The following DIS3L2 variants were observed in gnomAD, a reference collection of about 807,000 sequenced individuals.
DIS3L2 encodes the protein DIS3-like exonuclease 2.
A neutral mutation model predicts 97.5 loss-of-function variants in DIS3L2; 34 were observed. That is an observed-to-expected ratio of 0.35 (90% CI 0.27 to 0.46). DIS3L2 has a LOEUF of 0.46. DIS3L2 is among the 20% of genes least tolerant of loss of function. The probability of loss-of-function intolerance (pLI) is 1.00; values close to 1 mark genes in which losing one functional copy is unlikely to be tolerated. For missense variants in DIS3L2, 1,038 were observed against 1,146.0 expected (o/e 0.91, Z 1.36); for synonymous variants, 435 against 445.2 (o/e 0.98, Z 0.29).
rs371321680 is a variant in DIS3L2, at chr2:232,098,355, A to ATTTTT, written c.601+10647_601+10651dup. On this transcript the variant is annotated intron_variant, in intron 6 of 20. Transcript: ENST00000325385. ...ACAGTTAGGATTATCGAGGTTTCTA[A>ATTTTT]TTTTTTTTTTTTTTTTTGAGACAGA... is the stretch of plus-strand genomic sequence containing the variant. Among the ~76,000 whole-genome samples, 1,361 of 138,668 alleles carry ATTTTT rather than the reference A, an allele frequency of 9.8e-3. 17 individuals are homozygous for ATTTTT. The highest frequency in any genetic ancestry group is 0.016 in the Non-Finnish European group (1,020 of 64,740). 91.0% of individuals were successfully genotyped at this position (138,668 alleles called of 152,430 possible).
chr2:232,226,185 C>G (rs1248463000), intron 10 of DIS3L2, among the ~76,000 whole-genome samples: 1 of 152,166 alleles, frequency 6.6e-6, no homozygotes, highest in Non-Finnish European at 1.5e-5. Flanking sequence ...AATGAAATCT[C>G]AATAAAGCTG....
At position 232,299,725 on chromosome 2, in the gene DIS3L2, C is replaced by T. The variant is rs80013658; in HGVS notation, c.1660-315C>T. 2.9e-3 allele frequency among the ~76,000 whole-genome samples: 441 copies of T among 152,354 alleles called. 3 individuals are homozygous for T. The highest frequency in any genetic ancestry group is 4.9e-3 in the Non-Finnish European group (334 of 68,026). Reference sequence around the variant, plus strand: ...ATTGCTGTCAGTCTTCTCTGCTAGACGGTAAGACCCATGAAAAGAGTCTGC... The same window carrying T: ...ATTGCTGTCAGTCTTCTCTGCTAGATGGTAAGACCCATGAAAAGAGTCTGC... On this transcript the variant is annotated intron_variant, in intron 13 of 20. Transcript: ENST00000325385.
chr2:231,993,996 T>C (rs1366940470), intron 1 of DIS3L2, among the ~76,000 whole-genome samples: 2 of 152,044 alleles, frequency 1.3e-5, no homozygotes, highest in Non-Finnish European at 2.9e-5. Context: ...TCTAAGAGTT[T>C]TATAGTTTTT....
At chr2:232,286,935 G>A (rs1490202892) in intron 13 of DIS3L2, among the ~76,000 whole-genome samples, 4 of 152,054 alleles carry the variant, frequency 2.6e-5, no homozygotes, top group South Asian at 4.1e-4. Flanking sequence ...GTGAGCCACC[G>A]CGCCTGGCCT....
intron 16 of DIS3L2, chr2:232,331,868 G>A (rs114041492): frequency 0.089 from 13,578 of 152,284 alleles, 758 homozygotes; most frequent in African/African-American, 0.16. Context: ...CTCCTGGCTC[G>A]CCTCCCAGGG....
At chr2:232,243,760 GAGA>G (rs1693171270) in intron 11 of DIS3L2, among the ~76,000 whole-genome samples, 1 of 152,230 alleles carries the variant, frequency 6.6e-6, no homozygotes, top group Non-Finnish European at 1.5e-5. Context: ...AGGGAAAATG[GAGA>G]AGTTAGCTTC....
intron 1 of DIS3L2, among the ~76,000 whole-genome samples, chr2:231,989,978 T>C (rs1233084802): frequency 2.0e-5 from 3 of 152,352 alleles, no homozygotes; most frequent in South Asian, 2.1e-4. Flanking sequence ...GTACTGCCCC[T>C]GAGTTACTTC....
chr2:232,229,841 T>A (rs531439830), intron 10 of DIS3L2, among the ~76,000 whole-genome samples: 1 of 152,160 alleles, frequency 6.6e-6, no homozygotes, highest in East Asian at 1.9e-4. Flanking sequence ...AGTTTGCAAC[T>A]AAAGGTCCTC....
chr2:232,015,569 G>A lies in DIS3L2; in HGVS notation c.108G>A (p.Lys36=), dbSNP rs371477071. The A allele has an allele frequency of 1.6e-4, 260 of 1,613,956 alleles. No homozygotes were observed. The highest frequency in any genetic ancestry group is 1.9e-4 in the Non-Finnish European group (222 of 1,179,960). The change falls in exon 3 of 21, where the codon AAG becomes AAA. Residue 36 remains lysine (K), a synonymous_variant. Transcript: ENST00000325385. The part of the protein sequence containing the change: ...HDIGASPGDK[K]SKNRSTRGKK... ...TTGGTGCTTCGCCAGGTGACAAAAA[G>A]TCAAAGAACAGGTCCACACGAGGGA...
intron 12 of DIS3L2, among the ~76,000 whole-genome samples, chr2:232,250,963 G>A (rs1693403317): frequency 6.6e-6 from 1 of 152,166 alleles, no homozygotes; most frequent in Non-Finnish European, 1.5e-5. Context: ...CAGACAATAA[G>A]CTTCACCCGC....
chr2:232,195,961 G>A (rs992068695), intron 9 of DIS3L2, among the ~76,000 whole-genome samples: 3 of 152,162 alleles, frequency 2.0e-5, no homozygotes, highest in Non-Finnish European at 4.4e-5. Flanking sequence ...TAAAGTTAAA[G>A]TATGAATTAA....
intron 1 of DIS3L2, among the ~76,000 whole-genome samples, chr2:231,976,285 TCTTGA>T (rs1208730141): frequency 1.3e-5 from 2 of 152,076 alleles, no homozygotes; most frequent in African/African-American, 4.8e-5. Flanking sequence ...TACAGATCCT[TCTTGA>T]CTTCTGATGG....
chr2:232,288,899 GGAAAT>G (rs1252632722), intron 13 of DIS3L2, among the ~76,000 whole-genome samples: 1 of 152,160 alleles, frequency 6.6e-6, no homozygotes, highest in African/African-American at 2.4e-5. Context: ...TTACAACAAA[GGAAAT>G]GAACAGTGAG....
chr2:231,982,549 C>A (rs1693292159), intron 1 of DIS3L2, among the ~76,000 whole-genome samples: 3 of 151,976 alleles, frequency 2.0e-5, no homozygotes, highest in Admixed American at 2.0e-4. Flanking sequence ...TGTTTTATTT[C>A]TTTTCCCTGT....
intron 10 of DIS3L2, among the ~76,000 whole-genome samples, chr2:232,211,710 G>A (rs3116203): frequency 0.3 from 45,715 of 152,096 alleles, 7,390 homozygotes; most frequent in South Asian, 0.51. Context: ...ACAGAACGCC[G>A]TAGGTTCAGT....
At chr2:232,005,287 A>C (rs1190501459) in intron 1 of DIS3L2, among the ~76,000 whole-genome samples, 1 of 146,944 alleles carries the variant, frequency 6.8e-6, no homozygotes, top group African/African-American at 2.5e-5. Flanking sequence ...GTTGGCTTAA[A>C]TCTCATTTGA....
chr2:232,136,286 T>C (rs999022468), intron 7 of DIS3L2, among the ~76,000 whole-genome samples, 186 bp from the exon 8 acceptor site: 1 of 152,178 alleles, frequency 6.6e-6, no homozygotes, highest in East Asian at 1.9e-4. Flanking sequence ...TATGTATGCC[T>C]ACTAGGTACT....
At chr2:232,013,770 C>A (rs1325440171) in intron 1 of DIS3L2, among the ~76,000 whole-genome samples, 1 of 152,178 alleles carries the variant, frequency 6.6e-6, no homozygotes, top group African/African-American at 2.4e-5. Context: ...TTTCCCATTC[C>A]CTTGCTGTTT....
chr2:232,162,598 C>A (rs1459759921), intron 8 of DIS3L2, among the ~76,000 whole-genome samples: 1 of 152,224 alleles, frequency 6.6e-6, no homozygotes, highest in Non-Finnish European at 1.5e-5. Context: ...GCAGAAAGTG[C>A]TGAGGGCGGA....
Sources: allele counts gnomAD v4.1 joint callset (sites outside exome capture counted in the v4.1 genomes callset), GRCh38; gene constraint gnomAD v4.1.1; transcripts MANE v1.5; gene names NCBI Gene and HGNC (gene_info 2026-07-23, HGNC 2026-07-21).